Variants in ABCC5 observed in about 807,000 individuals in gnomAD.
The protein encoded by ABCC5 is ATP-binding cassette sub-family C member 5.
In ABCC5, 61 loss-of-function variants were observed where a neutral mutation model predicts 160.9. The ratio of observed to expected loss-of-function variants is 0.38; its 90% CI spans 0.31 to 0.47. The LOEUF (loss-of-function observed/expected upper bound fraction) is 0.47. Among genes scored for constraint, ABCC5 ranks in the 20% least tolerant of loss-of-function variants. The pLI, the probability that ABCC5 is intolerant of heterozygous loss-of-function variation, is 0.99. For missense variants in ABCC5, 1,308 were observed against 1,813.3 expected (o/e 0.72, Z 5.06); for synonymous variants, 666 against 700.6 (o/e 0.95, Z 0.78).
At position 183,942,684 on chromosome 3, in the gene ABCC5, G is replaced by A. The variant is rs757037527; in HGVS notation, c.3694+43C>T. 2.5e-6 allele frequency: 4 copies of A among 1,589,488 alleles called. No individual in the cohort carries two copies. The South Asian group carries it at 3.4e-5, about 13-fold the overall frequency. ...GGGTGAAAGTGATATTTCATAAACT[G>A]CTACGTTCCAATGGATTCAAAGAAG... On this transcript the variant is annotated intron_variant, in intron 25 of 29. Coordinates refer to ENST00000334444, the MANE Select transcript of ABCC5 (RefSeq NM_005688.4).
At chr3:183,947,755 T>C (rs963848619) in intron 22 of ABCC5, among the ~76,000 whole-genome samples, 1 of 152,082 alleles carries the variant, frequency 6.6e-6, no homozygotes, top group Admixed American at 6.6e-5. Context: ...AAAAATCCTA[T>C]TAAAGATGTT....
In ABCC5 at chr3:183,994,331, G is replaced by C. The variant is rs73046602; in HGVS notation, c.130-4948C>G. Reference sequence around the variant, plus strand: ...TTTTACATTCCCACTAGCAATGGATGAGAAATCTAGTTTCCCCACATCCTC... The same window carrying C: ...TTTTACATTCCCACTAGCAATGGATCAGAAATCTAGTTTCCCCACATCCTC... On this transcript the variant is annotated intron_variant, in intron 2 of 29. Transcript: ENST00000334444. 3.8e-3 allele frequency among the ~76,000 whole-genome samples: 579 copies of C among 152,158 alleles called. 7 individuals carry two copies. Among genetic ancestry groups the C allele is most frequent in the African/African-American group, 0.013 (539 of 41,524 alleles).
intron 2 of ABCC5, among the ~76,000 whole-genome samples, chr3:184,012,303 T>C (rs78690908): frequency 0.045 from 6,888 of 152,272 alleles, 248 homozygotes; most frequent in East Asian, 0.17. Context: ...AAATATTTCT[T>C]AGCATGGCAT....
At chr3:183,925,525 C>T (rs1174693550) in intron 29 of ABCC5, 30 bp downstream of exon 29, 2 of 1,607,352 alleles carry the variant, frequency 1.2e-6, no homozygotes, top group African/African-American at 2.7e-5. Flanking sequence ...CCCAGACATG[C>T]CAAGCCAAAG....
At chr3:183,955,163 G>T (rs1022307493) in intron 17 of ABCC5, among the ~76,000 whole-genome samples, 1 of 152,144 alleles carries the variant, frequency 6.6e-6, no homozygotes, top group Non-Finnish European at 1.5e-5. Flanking sequence ...GAGAGACCTA[G>T]TAAAGGAAGG....
At chr3:183,969,552 C>A (rs1041441935) in intron 11 of ABCC5, among the ~76,000 whole-genome samples, 1 of 152,036 alleles carries the variant, frequency 6.6e-6, no homozygotes, top group African/African-American at 2.4e-5. Flanking sequence ...ATTAGCCAGG[C>A]ACAGTGGCAC....
intron 26 of ABCC5, among the ~76,000 whole-genome samples, chr3:183,934,737 G>T (rs766621096): frequency 6.6e-6 from 1 of 152,000 alleles, no homozygotes; most frequent in Non-Finnish European, 1.5e-5. Flanking sequence ...GGGTGGTCTC[G>T]AACTCCTGAG....
chr3:183,957,777 T>TGTGTATATCACATCGGTTACACGC (rs1716292841), intron 17 of ABCC5, among the ~76,000 whole-genome samples: 2 of 56,208 alleles, frequency 3.6e-5, no homozygotes, highest in African/African-American at 1.4e-4. Flanking sequence ...CGGTTACACG[T>TGTGTATATCACATCGGTTACACGC]AAATCCGTGT....
intron 5 of ABCC5, chr3:183,985,100 G>T (rs1719091142): frequency 1.5e-6 from 1 of 661,090 alleles, no homozygotes; most frequent in Admixed American, 2.9e-5. Flanking sequence ...CAACACATCG[G>T]GTTTTTAAAT....
Position 183,938,054 on chromosome 3 carries a change from G to A in ABCC5, c.3701C>T (p.Ser1234Phe). The A allele has an allele frequency of 6.2e-7, 1 of 1,614,006 alleles. No individual in the cohort carries two copies. Among genetic ancestry groups the A allele is most frequent in the Non-Finnish European group, 8.5e-7 (1 of 1,179,954 alleles). Reference protein sequence around the residue: ...GIVGRTGSGKSSLGMALFRLV... With the variant: ...GIVGRTGSGKFSLGMALFRLV... The stretch of plus-strand genomic sequence containing the variant: ...ACGGAAGAGGGCCATCCCCAGCGAG[G>A]ACTTCCCTGATGAGTCAGAAGACAT... Residue 1234 changes from serine to phenylalanine, a missense_variant, in exon 26 of 30, where the codon TCC (serine) becomes TTC (phenylalanine). Coordinates refer to ENST00000334444, the MANE Select transcript of ABCC5 (RefSeq NM_005688.4).
At position 183,969,087 on chromosome 3, in the gene ABCC5, TAAA is replaced by T. The variant is rs1399330878; in HGVS notation, c.1762-1324_1762-1322del. On this transcript the variant is annotated intron_variant, in intron 11 of 29. Coordinates refer to ENST00000334444, the MANE Select transcript of ABCC5 (RefSeq NM_005688.4). ...ATGAGAAAAATGCTATTCTTATGAT[TAAA>T]TGATGACTAAATGAGACATCAAAAA... Among the ~76,000 whole-genome samples the T allele has an allele frequency of 3.3e-5, 5 of 152,300 alleles. No homozygotes were observed. In the South Asian group the frequency reaches 8.3e-4, roughly 25 times the overall value.
chr3:183,935,526 CAG>C (rs1274949827), intron 26 of ABCC5, among the ~76,000 whole-genome samples: 2 of 148,622 alleles, frequency 1.3e-5, no homozygotes, highest in Admixed American at 6.7e-5. Context: ...TCTTTTGAGA[CAG>C]AGTCTCGCTC....
In ABCC5 at chr3:183,948,157, G is replaced by A. The variant is rs138367133; in HGVS notation, c.3228-647C>T. 2.7e-3 allele frequency among the ~76,000 whole-genome samples: 417 copies of A among 152,356 alleles called. 4 individuals are homozygous for A. Among genetic ancestry groups the A allele is most frequent in the African/African-American group, 9.2e-3 (381 of 41,578 alleles). On this transcript the variant is annotated intron_variant, in intron 22 of 29. Coordinates refer to ENST00000334444, the MANE Select transcript of ABCC5 (RefSeq NM_005688.4). Reference sequence around the variant, plus strand: ...TCTGAAGGCTCAGTGCACCATGTACGACTAGAACTCCAGAGCAGGAAGTTT... The same window carrying A: ...TCTGAAGGCTCAGTGCACCATGTACAACTAGAACTCCAGAGCAGGAAGTTT...
intron 10 of ABCC5, 101 bp from the exon 11 acceptor site, chr3:183,972,020 T>G: frequency 1.3e-6 from 2 of 1,591,366 alleles, no homozygotes; most frequent in Non-Finnish European, 1.7e-6. Context: ...CATCAGGCTA[T>G]ACAGTGGAAG....
intron 18 of ABCC5, 141 bp from the exon 19 acceptor site, chr3:183,952,144 C>CTTTTTT (rs34905378): frequency 2.4e-5 from 9 of 374,070 alleles, no homozygotes; most frequent in African/African-American, 2.1e-4. Flanking sequence ...TTGTCCACCT[C>CTTTTTT]TTTTTTTTTT....
chr3:183,957,271 C>A (rs1409570900), intron 17 of ABCC5, among the ~76,000 whole-genome samples: 1 of 108,436 alleles, frequency 9.2e-6, no homozygotes, highest in African/African-American at 3.3e-5. Context: ...CATGCGGATC[C>A]GTGTGTATAT....
intron 2 of ABCC5, among the ~76,000 whole-genome samples, chr3:183,997,701 T>C (rs1472372583): frequency 1.3e-5 from 2 of 152,222 alleles, no homozygotes; most frequent in Non-Finnish European, 2.9e-5. Context: ...ACATTCTACA[T>C]ATCATCAATT....
Position 183,988,711 on chromosome 3 carries a change from C to A in ABCC5, c.304G>T (p.Asp102Tyr), listed in dbSNP as rs748909526. 1.2e-6 allele frequency: 2 copies of A among 1,613,880 alleles called. No homozygotes were observed. Among genetic ancestry groups the A allele is most frequent in the African/African-American group, 1.3e-5 (1 of 74,932 alleles). ...RTTSKHQHPVDNAGLFSCMTF... is the reference protein window; with the variant it reads ...RTTSKHQHPVYNAGLFSCMTF... ...ATACAGGAAAAAAGCCCAGCATTGT[C>A]CACTGGGTGCTGGTGTCTAAGGAGA... is the stretch of plus-strand genomic sequence containing the variant. Residue 102 changes from aspartate (D) to tyrosine (Y), a missense_variant, in exon 4 of 30, where the codon GAC (aspartate) becomes TAC (tyrosine). Asp to Tyr is a radical substitution (Grantham distance 160). This residue lies in a region of ABCC5 where 1,142 missense variants were observed against 1,527.1 expected (regional missense o/e 0.75). Coordinates refer to ENST00000334444, the MANE Select transcript of ABCC5 (RefSeq NM_005688.4). This position sits in a 1 kb window ranked among gnomAD's most constrained non-coding sequence, Gnocchi z 4.4.
chr3:183,961,849 G>A lies in ABCC5; in HGVS notation c.2236-195C>T, dbSNP rs149330260. Among the ~76,000 whole-genome samples the A allele has an allele frequency of 5.9e-3, 905 of 152,184 alleles. 10 individuals carry two copies. Among genetic ancestry groups the A allele is most frequent in the African/African-American group, 0.021 (865 of 41,526 alleles). On this transcript the variant is annotated intron_variant, in intron 15 of 29. Coordinates refer to ENST00000334444, the MANE Select transcript of ABCC5 (RefSeq NM_005688.4). ...CGCTGGAGCGTGGTGGCGCAATCTC[G>A]GTTCACTGCAATCTCCGCCTCCTGG...
Sources: allele counts gnomAD v4.1 joint callset (sites outside exome capture counted in the v4.1 genomes callset), GRCh38; gene constraint gnomAD v4.1.1; regional missense constraint gnomAD v4.1.1; non-coding constraint Gnocchi (gnomAD v3.1); transcripts MANE v1.5; gene names NCBI Gene and HGNC (gene_info 2026-07-23, HGNC 2026-07-21).